The following L3MBTL2 variants were observed in gnomAD, a reference collection of about 807,000 sequenced individuals.
L3MBTL2 encodes lethal(3)malignant brain tumor-like protein 2.
In L3MBTL2, 49 loss-of-function variants were observed where a neutral mutation model predicts 86.4. That is an observed-to-expected ratio of 0.57 (90% CI 0.45 to 0.72). L3MBTL2 has a LOEUF of 0.72. Ranked by LOEUF, L3MBTL2 falls within the 30% of genes least tolerant of loss-of-function variation. The probability of loss-of-function intolerance (pLI) is 0.00; values close to 1 mark genes in which losing one functional copy is unlikely to be tolerated. For synonymous variants in L3MBTL2, 336 were observed against 350.6 expected (o/e 0.96, Z 0.47); for missense variants, 755 against 923.7 (o/e 0.82, Z 2.37).
intron 15 of L3MBTL2, 172 bp downstream of exon 15, chr22:41,228,041 G>A (rs2032314037): frequency 1.0e-6 from 1 of 985,224 alleles, no homozygotes; most frequent in African/African-American, 1.7e-5. Flanking sequence ...TTTGGCCTAC[G>A]GGCCTTTCAC....
At position 41,205,340 on chromosome 22, in the gene L3MBTL2, A is replaced by T. The variant is rs764231917; in HGVS notation, c.-23A>T. 1 of 1,614,070 alleles carries T rather than the reference A, an allele frequency of 6.2e-7. No homozygotes were observed. The highest frequency in any genetic ancestry group is 1.1e-5 in the South Asian group (1 of 91,088). ...CCAATATGGCTTCCTGCACCTGGTG[A>T]CGCTTGGCGAAACTGAGGTCTCATG... On this transcript the variant is annotated 5_prime_UTR_variant, in exon 1 of 17. The change abolishes the stop of an existing upstream ORF in the 5' untranslated region. Transcript: ENST00000216237.
intron 12 of L3MBTL2, among the ~76,000 whole-genome samples, chr22:41,226,169 C>T (rs1236359553): frequency 2.6e-5 from 4 of 152,064 alleles, no homozygotes; most frequent in African/African-American, 4.8e-5. Flanking sequence ...CCCAGCCACT[C>T]GGGAGTCTGA....
chr22:41,230,216 T>A lies in L3MBTL2; in HGVS notation c.2083T>A (p.Ser695Thr), dbSNP rs2032504816. The change falls in exon 17 of 17, where the codon TCC becomes ACC. Residue 695 changes from serine to threonine, a missense_variant. Physicochemically the swap from Ser to Thr is moderately conservative, Grantham distance 58 (BLOSUM62 1). Around this residue, in one of 3 missense-constraint regions of L3MBTL2, gnomAD observed 634 missense variants for 748.9 expected, o/e 0.85. Transcript: ENST00000216237. Reference sequence around the variant, plus strand: ...GGCTTCAAGTCCAGAGCTGCCTGTCTCCGTCGAGAACATCAAGCAGGAAAC... The same window carrying A: ...GGCTTCAAGTCCAGAGCTGCCTGTCACCGTCGAGAACATCAAGCAGGAAAC... ...DKASSPELPV[S>T]VENIKQETDD 1.2e-6 allele frequency: 2 copies of A among 1,613,204 alleles called. No homozygotes were observed. The highest frequency in any genetic ancestry group is 2.7e-5 in the African/African-American group (2 of 74,768).
rs766076731 is a variant in L3MBTL2, at chr22:41,226,646, C to T, written c.1505-16C>T. On this transcript the variant is annotated splice_polypyrimidine_tract_variant and intron_variant, in intron 12 of 16. Coordinates refer to ENST00000216237, the MANE Select transcript of L3MBTL2 (RefSeq NM_031488.5). ...TTCCCCCTCTCCCTCTGCATCTGAG[C>T]TTTCTGCTCCTCCAGGTTATGAGGC... The T allele has an allele frequency of 3.5e-5, 56 of 1,597,406 alleles. No individual in the cohort carries two copies. The Admixed American group carries it at 9.2e-4, about 26-fold the overall frequency.
intron 15 of L3MBTL2, among the ~76,000 whole-genome samples, chr22:41,229,077 G>A (rs957400383): frequency 6.6e-6 from 1 of 152,046 alleles, no homozygotes; most frequent in Non-Finnish European, 1.5e-5. Context: ...GGGCAACATA[G>A]CGAGACCCCT....
chr22:41,227,941 C>T lies in L3MBTL2; in HGVS notation c.1888+72C>T, dbSNP rs985124849. The T allele has an allele frequency of 4.5e-6, 7 of 1,569,738 alleles. No homozygotes were observed. The highest frequency in any genetic ancestry group is 6.0e-6 in the Non-Finnish European group (7 of 1,157,530). The stretch of plus-strand genomic sequence containing the variant: ...GTGGGCCTGCGTCCCTGGGAGCAGG[C>T]GGGGGTCAGCCCCCAGGCACTGGTT... On this transcript the variant is annotated intron_variant, in intron 15 of 16. Coordinates refer to ENST00000216237, the MANE Select transcript of L3MBTL2 (RefSeq NM_031488.5). This position sits in a 1 kb window ranked among gnomAD's most constrained non-coding sequence, Gnocchi z 6.0.
chr22:41,205,509 G>A (rs889467685), intron 1 of L3MBTL2, 123 bp downstream of exon 1: 14 of 1,212,134 alleles, frequency 1.2e-5, no homozygotes, highest in African/African-American at 4.5e-5. Context: ...GATAAACTGA[G>A]GTAGTTAAAC....
chr22:41,205,574 C>T (rs1406395353), intron 1 of L3MBTL2, among the ~76,000 whole-genome samples, 188 bp downstream of exon 1: 1 of 152,086 alleles, frequency 6.6e-6, no homozygotes, highest in Non-Finnish European at 1.5e-5. Context: ...CTGCTGGGGC[C>T]AACGTTCGGC....
intron 5 of L3MBTL2, chr22:41,217,809 T>G (rs1346692288): frequency 6.5e-6 from 1 of 152,862 alleles, no homozygotes; most frequent in Non-Finnish European, 1.5e-5. Context: ...AGGAGGCCTC[T>G]TTAGTCTTGA....
rs762696237 is a variant in L3MBTL2 at position 41,227,227 on chromosome 22, G to A, written c.1726G>A (p.Glu576Lys). The stretch of plus-strand genomic sequence containing the variant: ...CATCCACTTTGACGGCTGGGACAGC[G>A]AGTACGACCAGTGGGTGGACTGCGA... ...LSIHFDGWDS[E>K]YDQWVDCESP... Residue 576 changes from glutamate to lysine, a missense_variant, in exon 14 of 17, where the codon GAG becomes AAG. Glu to Lys is a moderately conservative substitution (Grantham distance 56). Transcript: ENST00000216237. This position sits in a 1 kb window ranked among gnomAD's most constrained non-coding sequence, Gnocchi z 6.0. 5.6e-6 allele frequency: 9 copies of A among 1,613,384 alleles called. 1 individual carries two copies. Among genetic ancestry groups the A allele is most frequent in the Admixed American group, 3.3e-5 (2 of 60,008 alleles).
At chr22:41,217,046 C>A in intron 4 of L3MBTL2, 77 bp from the exon 5 acceptor site, 1 of 1,201,896 alleles carries the variant, frequency 8.3e-7, no homozygotes, top group Non-Finnish European at 1.2e-6. Context: ...GCAGGTCCCA[C>A]AGGGCCCTTG....
rs2032282773 is a variant in L3MBTL2, at chr22:41,227,700, G to A, written c.1823-104G>A. The A allele has an allele frequency of 1.3e-6, 2 of 1,597,376 alleles. No individual in the cohort carries two copies. Among genetic ancestry groups the A allele is most frequent in the African/African-American group, 1.3e-5 (1 of 74,616 alleles). On this transcript the variant is annotated intron_variant, in intron 14 of 16. Coordinates refer to ENST00000216237, the MANE Select transcript of L3MBTL2 (RefSeq NM_031488.5). This position sits in a 1 kb window ranked among gnomAD's most constrained non-coding sequence, Gnocchi z 6.0. ...CCCAGGTTTGGCTTCCTGTCTTGGG[G>A]TGTCTCGTGTGGGAGGGTGGATGGG...
In L3MBTL2 at chr22:41,224,604, G is replaced by A. The variant is rs1456130284; in HGVS notation, c.1175-121G>A. ...CTGGGGTGGGGGGTCCTGAGATACA[G>A]AGATACAGCTGAGAACACGTGCAGA... On this transcript the variant is annotated intron_variant, in intron 9 of 16. Transcript: ENST00000216237. The surrounding 1 kb of genome is among the most constrained non-coding windows in gnomAD (Gnocchi z 4.9). The A allele has an allele frequency of 2.7e-6, 2 of 728,140 alleles. No homozygotes were observed. The highest frequency in any genetic ancestry group is 4.8e-6 in the Non-Finnish European group (2 of 413,306). 45.1% of individuals were successfully genotyped at this position (728,140 alleles called of 1,614,324 possible). A position where few individuals can be genotyped will look rare whatever the true frequency, so the allele number is the denominator to read the frequency against.
In L3MBTL2 at chr22:41,230,127, C is replaced by T; in HGVS notation, c.2006-12C>T. On this transcript the variant is annotated splice_polypyrimidine_tract_variant and intron_variant, in intron 16 of 16. Coordinates refer to ENST00000216237, the MANE Select transcript of L3MBTL2 (RefSeq NM_031488.5). The stretch of plus-strand genomic sequence containing the variant: ...TTACTCGCCCACCCACCCGCCTCCC[C>T]TCCCTCTTCAGTCATTGCTGTGCGT... The T allele has an allele frequency of 1.3e-6, 2 of 1,554,434 alleles. No individual in the cohort carries two copies. Among genetic ancestry groups the T allele is most frequent in the South Asian group, 2.2e-5 (2 of 89,704 alleles).
Position 41,220,683 on chromosome 22 carries a change from T to TA in L3MBTL2, c.719-50dup, listed in dbSNP as rs199909901. ...AGAAAAAAAAAAAAAAAACAGAACA[T>TA]ACCTTCCCCAGCTCACCCTCCCTCA... On this transcript the variant is annotated intron_variant, in intron 6 of 16. Coordinates refer to ENST00000216237, the MANE Select transcript of L3MBTL2 (RefSeq NM_031488.5). The TA allele has an allele frequency of 3.1e-3, 4,215 of 1,379,250 alleles. 95 individuals carry two copies. In the African/African-American group the frequency reaches 0.053, roughly 17 times the overall value. The allele number at this position is 1,379,250 out of a possible 1,614,324, so 85.4% of individuals were successfully genotyped here. A position where few individuals can be genotyped will look rare whatever the true frequency, so the allele number is the denominator to read the frequency against.
intron 12 of L3MBTL2, 119 bp downstream of exon 12, chr22:41,226,060 TGAG>T (rs2032163103): frequency 3.6e-6 from 4 of 1,107,942 alleles, no homozygotes; most frequent in Non-Finnish European, 5.2e-6. Context: ...GTGGATGACC[TGAG>T]GTCAGGAGTT....
intron 8 of L3MBTL2, 50 bp downstream of exon 8, chr22:41,221,337 T>G: frequency 2.1e-6 from 3 of 1,456,838 alleles, no homozygotes; most frequent in Non-Finnish European, 1.9e-6. Context: ...CTTCCATTTT[T>G]CTGCATCCTG....
In L3MBTL2 at chr22:41,224,947, A is replaced by G; in HGVS notation, c.1252-20A>G. 1.2e-6 allele frequency: 2 copies of G among 1,608,002 alleles called. No homozygotes were observed. The highest frequency in any genetic ancestry group is 1.7e-6 in the Non-Finnish European group (2 of 1,175,396). ...CTCCTGGCCTGCCCAGGGAGTCCCCAGCTGTCCCATTCCTTTAAGGTACGA... is the reference window on the plus strand; with the variant it reads ...CTCCTGGCCTGCCCAGGGAGTCCCCGGCTGTCCCATTCCTTTAAGGTACGA... On this transcript the variant is annotated intron_variant, in intron 10 of 16. Transcript: ENST00000216237. This position sits in a 1 kb window ranked among gnomAD's most constrained non-coding sequence, Gnocchi z 4.9.
At chr22:41,217,545 G>A (rs2031484168) in intron 5 of L3MBTL2, 1 of 252,510 alleles carries the variant, frequency 4.0e-6, no homozygotes, top group South Asian at 4.4e-5. Flanking sequence ...GGGTGCTTCT[G>A]TAGCTGGCCT....
Sources: gnomAD v4.1 joint callset for allele counts (sites outside exome capture counted in the v4.1 genomes callset) on GRCh38, gnomAD v4.1.1 for gene constraint, gnomAD v4.1.1 regional missense constraint, Gnocchi (gnomAD v3.1) non-coding constraint, MANE v1.5 for transcripts, NCBI Gene and HGNC (gene_info 2026-07-23, HGNC 2026-07-21) for gene names.